USP10: variants seen among roughly 807,000 people sequenced by gnomAD.
USP10 encodes the protein ubiquitin specific peptidase 10.
In USP10, 22 loss-of-function variants were observed where a neutral mutation model predicts 84.5. That is an observed-to-expected ratio of 0.26 (90% CI 0.19 to 0.37). The LOEUF is 0.37. Ranked by LOEUF, USP10 falls within the 10% of genes least tolerant of loss-of-function variation. USP10 has a pLI of 1.00. For synonymous variants in USP10, 454 were observed against 387.6 expected (o/e 1.17, Z -2.01); for missense variants, 1,019 against 998.9 (o/e 1.02, Z -0.27).
chr16:84,744,618 T>A lies in USP10; in HGVS notation c.152-15T>A, dbSNP rs987856684. The A allele has an allele frequency of 6.3e-7, 1 of 1,576,912 alleles. No individual in the cohort carries two copies. Among genetic ancestry groups the A allele is most frequent in the African/African-American group, 1.4e-5 (1 of 73,222 alleles). On this transcript the variant is annotated splice_polypyrimidine_tract_variant and intron_variant, in intron 3 of 13. Coordinates refer to ENST00000219473, the MANE Select transcript of USP10 (RefSeq NM_005153.3). The stretch of plus-strand genomic sequence containing the variant: ...TAGAACTGGGTTCTTAACTAATAGT[T>A]TTCTTTCTAAACAGGACAAGAATAT...
intron 1 of USP10, among the ~76,000 whole-genome samples, chr16:84,712,214 C>T (rs919181115): frequency 3.3e-5 from 5 of 152,158 alleles, no homozygotes; most frequent in Non-Finnish European, 7.4e-5. Flanking sequence ...TGTAGATGCC[C>T]TGTCCTTCCT....
intron 1 of USP10, among the ~76,000 whole-genome samples, chr16:84,702,272 G>C (rs1904984144): frequency 6.6e-6 from 1 of 151,824 alleles, no homozygotes; most frequent in African/African-American, 2.4e-5. Context: ...GATCAGGCTG[G>C]TCTCAAACTC....
chr16:84,729,630 C>G (rs1420730400), intron 1 of USP10, among the ~76,000 whole-genome samples: 1 of 152,226 alleles, frequency 6.6e-6, no homozygotes, highest in East Asian at 1.9e-4. Flanking sequence ...GCACTGACTT[C>G]TTAGCCCGTT....
chr16:84,700,731 G>C (rs1420671412), intron 1 of USP10, among the ~76,000 whole-genome samples: 1 of 152,186 alleles, frequency 6.6e-6, no homozygotes, highest in Non-Finnish European at 1.5e-5. Context: ...TTGCGTTTGA[G>C]TGACATCCCT....
intron 3 of USP10, among the ~76,000 whole-genome samples, chr16:84,742,685 G>T (rs1230604842): frequency 6.6e-6 from 1 of 152,164 alleles, no homozygotes; most frequent in African/African-American, 2.4e-5. Flanking sequence ...TGGCACATTG[G>T]GCTCTGAGCT....
At chr16:84,775,879 A>G (rs942167486) in intron 13 of USP10, among the ~76,000 whole-genome samples, 2 of 115,794 alleles carry the variant, frequency 1.7e-5, no homozygotes, top group Admixed American at 9.1e-5. Context: ...TTTCTCTTTT[A>G]TAGCGTCATC....
intron 1 of USP10, among the ~76,000 whole-genome samples, chr16:84,710,261 C>T (rs2150760376): frequency 6.7e-6 from 1 of 148,588 alleles, no homozygotes; most frequent in East Asian, 2.0e-4. Context: ...AGAGCAGACT[C>T]CATCTCGGAA....
intron 1 of USP10, among the ~76,000 whole-genome samples, chr16:84,718,294 C>G (rs529145529): frequency 6.6e-6 from 1 of 152,112 alleles, no homozygotes; most frequent in Admixed American, 6.5e-5. Context: ...TACTCTGTGA[C>G]CCAAGATAGA....
chr16:84,758,333 C>T (rs191728924), intron 4 of USP10, among the ~76,000 whole-genome samples: 3 of 152,226 alleles, frequency 2.0e-5, no homozygotes, highest in Admixed American at 1.3e-4. Flanking sequence ...GTCTGAGGCG[C>T]CTTGCTGCTG....
intron 1 of USP10, among the ~76,000 whole-genome samples, chr16:84,731,750 G>A (rs532061194): frequency 1.4e-4 from 21 of 151,044 alleles, no homozygotes; most frequent in Admixed American, 2.0e-4. Context: ...TAATTTCCGC[G>A]AACACTTTCA....
chr16:84,765,899 T>C (rs1023773151), intron 10 of USP10, among the ~76,000 whole-genome samples: 2 of 152,250 alleles, frequency 1.3e-5, no homozygotes, highest in African/African-American at 4.8e-5. Context: ...AGCTTTTCAG[T>C]ACCACTGTGA....
chr16:84,712,243 G>A (rs1906404064), intron 1 of USP10, among the ~76,000 whole-genome samples: 1 of 152,222 alleles, frequency 6.6e-6, no homozygotes, highest in Non-Finnish European at 1.5e-5. Context: ...AGTCAGCTGT[G>A]TACAGAGGCC....
chr16:84,734,730 G>A (rs755334087), intron 2 of USP10, among the ~76,000 whole-genome samples: 5 of 152,054 alleles, frequency 3.3e-5, no homozygotes, highest in Admixed American at 1.3e-4. Flanking sequence ...TTTAGATAAC[G>A]AAGATATTTG....
chr16:84,755,775 GC>G (rs1391821845), intron 4 of USP10, among the ~76,000 whole-genome samples: 1 of 139,486 alleles, frequency 7.2e-6, no homozygotes, highest in African/African-American at 2.6e-5. Context: ...TCCAGCCTGG[GC>G]GGCAGAGTGA....
Position 84,717,223 on chromosome 16 carries a change from C to G in USP10, c.22-16212C>G, listed in dbSNP as rs113531592. Among the ~76,000 whole-genome samples the G allele has an allele frequency of 3.7e-3, 568 of 151,960 alleles. 4 individuals are homozygous for G. Among genetic ancestry groups the G allele is most frequent in the African/African-American group, 0.011 (455 of 41,446 alleles). On this transcript the variant is annotated intron_variant, in intron 1 of 13. Transcript: ENST00000219473. ...GGGTCTGTGAAGTTCTGAAATCATA[C>G]GCAGAAATGTGTGTACATGCATTCT...
At chr16:84,702,170 C>T (rs1354429990) in intron 1 of USP10, among the ~76,000 whole-genome samples, 1 of 149,680 alleles carries the variant, frequency 6.7e-6, no homozygotes, top group African/African-American at 2.5e-5. Flanking sequence ...GATTCTCCTG[C>T]CTCAGCCTCC....
chr16:84,700,531 T>C (rs886415095), intron 1 of USP10, among the ~76,000 whole-genome samples: 3 of 152,104 alleles, frequency 2.0e-5, no homozygotes, highest in Admixed American at 2.0e-4. Flanking sequence ...TTGCTGCCTC[T>C]GCCTGGAGCG....
intron 8 of USP10, among the ~76,000 whole-genome samples, chr16:84,761,705 C>T (rs1913223406): frequency 6.6e-6 from 1 of 152,268 alleles, no homozygotes; most frequent in Admixed American, 6.5e-5. Flanking sequence ...AAAACAAAAG[C>T]AAAGTGTTCA....
At chr16:84,767,305 A>G (rs1350936609) in intron 10 of USP10, among the ~76,000 whole-genome samples, 1 of 152,066 alleles carries the variant, frequency 6.6e-6, no homozygotes, top group Non-Finnish European at 1.5e-5. Flanking sequence ...TGGGCCGAAC[A>G]CACAATTTTT....
Sources: gnomAD v4.1 joint callset for allele counts (sites outside exome capture counted in the v4.1 genomes callset) on GRCh38, gnomAD v4.1.1 for gene constraint, MANE v1.5 for transcripts, NCBI Gene and HGNC (gene_info 2026-07-23, HGNC 2026-07-21) for gene names.